FOXN2: variants seen among roughly 807,000 people sequenced by gnomAD.
FOXN2 encodes forkhead box N2.
FOXN2 carries 19 observed loss-of-function variants against 41.2 expected under a neutral mutation model. The observed-to-expected ratio is 0.46, with a 90% CI of 0.32 to 0.68. The LOEUF (loss-of-function observed/expected upper bound fraction) is 0.68. FOXN2 is among the 30% of genes least tolerant of loss of function. The probability of loss-of-function intolerance (pLI) is 0.03; values close to 1 mark genes in which losing one functional copy is unlikely to be tolerated. For synonymous variants in FOXN2, 195 were observed against 176.8 expected, an observed-to-expected ratio of 1.10 and a Z score of -0.82; for missense variants, 587 against 509.4, an observed-to-expected ratio of 1.15 and a Z score of -1.47.
chr2:48,330,800 G>C (rs1226870829), intron 2 of FOXN2, among the ~76,000 whole-genome samples: 1 of 152,048 alleles, frequency 6.6e-6, no homozygotes, highest in East Asian at 1.9e-4. Context: ...ACATGCTTCA[G>C]GATTCACATG....
intron 5 of FOXN2, among the ~76,000 whole-genome samples, chr2:48,363,989 G>A (rs1176157674): frequency 6.6e-6 from 1 of 152,116 alleles, no homozygotes; most frequent in Non-Finnish European, 1.5e-5. Flanking sequence ...TCTTCTGAAT[G>A]CCTGGGCTCA....
At chr2:48,367,379 A>G (rs1672603043) in intron 5 of FOXN2, among the ~76,000 whole-genome samples, 1 of 152,206 alleles carries the variant, frequency 6.6e-6, no homozygotes, top group Non-Finnish European at 1.5e-5. Context: ...AGCACCTGGT[A>G]TACTACAAAC....
chr2:48,327,299 A>C (rs11687276), intron 1 of FOXN2, among the ~76,000 whole-genome samples: 1 of 152,110 alleles, frequency 6.6e-6, no homozygotes, highest in South Asian at 2.1e-4. Context: ...CTCACTTGCT[A>C]ACCATGTCTA....
chr2:48,359,957 C>T (rs1045960504), intron 4 of FOXN2, among the ~76,000 whole-genome samples: 3 of 151,748 alleles, frequency 2.0e-5, no homozygotes, highest in African/African-American at 2.4e-5. Context: ...AGGTTTTTTT[C>T]GTAGTACTTA....
At chr2:48,362,840 CTTG>C in intron 5 of FOXN2, 133 bp downstream of exon 5, 2 of 716,452 alleles carry the variant, frequency 2.8e-6, no homozygotes, top group East Asian at 2.5e-5. Context: ...GCCCTGGTAG[CTTG>C]TTGTAACATT....
chr2:48,358,115 G>A (rs748389118), intron 3 of FOXN2, among the ~76,000 whole-genome samples: 39 of 147,324 alleles, frequency 2.6e-4, no homozygotes, highest in East Asian at 9.9e-4. Flanking sequence ...ATTTTATCCC[G>A]TTTTTTTTTA....
At chr2:48,361,617 A>G (rs771517011) in intron 4 of FOXN2, among the ~76,000 whole-genome samples, 9 of 152,202 alleles carry the variant, frequency 5.9e-5, no homozygotes, top group Non-Finnish European at 8.8e-5. Flanking sequence ...GCCCTTGCAT[A>G]TAAGAATTTG....
chr2:48,335,239 A>G (rs1034331723), intron 2 of FOXN2, among the ~76,000 whole-genome samples: 9 of 152,234 alleles, frequency 5.9e-5, no homozygotes, highest in African/African-American at 2.2e-4. Context: ...AAAATGAAGA[A>G]AAGAGCAAAC....
At chr2:48,315,091 T>G (rs1668811111) in intron 1 of FOXN2, among the ~76,000 whole-genome samples, 1 of 151,004 alleles carries the variant, frequency 6.6e-6, no homozygotes, top group Non-Finnish European at 1.5e-5. Flanking sequence ...TCCTGAGAGG[T>G]AATGACCGCC....
chr2:48,330,208 T>C (rs1333433572), intron 2 of FOXN2, among the ~76,000 whole-genome samples: 1 of 152,164 alleles, frequency 6.6e-6, no homozygotes, highest in Non-Finnish European at 1.5e-5. Flanking sequence ...GAAAATACAA[T>C]GCTGTGGCTT....
intron 5 of FOXN2, among the ~76,000 whole-genome samples, chr2:48,373,012 G>T (rs551859791): frequency 1.3e-5 from 2 of 151,032 alleles, no homozygotes; most frequent in East Asian, 3.9e-4. Context: ...TTAAGTTTTC[G>T]TTTTCATTGT....
In FOXN2 at chr2:48,375,519, GT is replaced by G. The variant is rs1007180659; in HGVS notation, c.*80del. ...ATCAAAGCCATAATGGACTTCATTA[GT>G]TTTAGGGTAGGGAAGGGATACTAAT... On this transcript the variant is annotated 3_prime_UTR_variant, in exon 7 of 7. Coordinates refer to ENST00000340553, the MANE Select transcript of FOXN2 (RefSeq NM_002158.4). 9 of 1,374,380 alleles carry G rather than the reference GT, an allele frequency of 6.5e-6. No individual in the cohort carries two copies. In the African/African-American group the frequency reaches 1.3e-4, roughly 20 times the overall value. The allele number at this position is 1,374,380 out of a possible 1,614,324, so 85.1% of individuals were successfully genotyped here.
intron 2 of FOXN2, chr2:48,340,724 A>G (rs62136999): frequency 7.9e-5 from 12 of 152,326 alleles, no homozygotes; most frequent in African/African-American, 2.2e-4. Context: ...AGTGCTGACT[A>G]TATCGCAAGT....
intron 4 of FOXN2, among the ~76,000 whole-genome samples, chr2:48,359,825 G>T (rs1449504915): frequency 6.6e-6 from 1 of 151,886 alleles, no homozygotes; most frequent in Non-Finnish European, 1.5e-5. Flanking sequence ...TTAATTGTCT[G>T]CAATACTAAT....
At chr2:48,319,785 ATTTTTTTT>A (rs545797179) in intron 1 of FOXN2, among the ~76,000 whole-genome samples, 9 of 98,754 alleles carry the variant, frequency 9.1e-5, no homozygotes, top group East Asian at 2.7e-4. Flanking sequence ...TAATTTTTTA[ATTTTTTTT>A]TTTTTTTTTT....
intron 3 of FOXN2, among the ~76,000 whole-genome samples, chr2:48,352,907 C>G (rs908871295): frequency 5.9e-5 from 9 of 152,058 alleles, no homozygotes; most frequent in Admixed American, 5.9e-4. Context: ...CTATAAATAC[C>G]TACAAGTTGC....
At chr2:48,329,490 C>T (rs1446069175) in intron 2 of FOXN2, among the ~76,000 whole-genome samples, 2 of 151,894 alleles carry the variant, frequency 1.3e-5, no homozygotes, top group South Asian at 2.1e-4. Context: ...GATCTTTGAC[C>T]CTTTTGTATT....
At chr2:48,337,532 C>G (rs1360815201) in intron 2 of FOXN2, among the ~76,000 whole-genome samples, 1 of 151,944 alleles carries the variant, frequency 6.6e-6, no homozygotes, top group Non-Finnish European at 1.5e-5. Flanking sequence ...TTTTGAACTC[C>G]TGATCTCAAA....
intron 2 of FOXN2, among the ~76,000 whole-genome samples, chr2:48,332,412 A>G (rs1368536855): frequency 6.6e-6 from 1 of 152,198 alleles, no homozygotes. Flanking sequence ...TTGGCAAAAT[A>G]TCTGCAGAGT....
Sources: gnomAD v4.1 joint callset for allele counts (sites outside exome capture counted in the v4.1 genomes callset) on GRCh38, gnomAD v4.1.1 for gene constraint, MANE v1.5 for transcripts, NCBI Gene and HGNC (gene_info 2026-07-23, HGNC 2026-07-21) for gene names.